Variants in SPOCK1 observed in about 807,000 individuals in gnomAD.
SPOCK1 encodes the protein SPARC (osteonectin), cwcv and kazal like domains proteoglycan 1.
Under a neutral mutation model 55.3 loss-of-function variants are expected in SPOCK1, and 23 were observed. That is an observed-to-expected ratio of 0.42 (90% CI 0.30 to 0.59). The LOEUF is 0.59. Among genes scored for constraint, SPOCK1 ranks in the 20% least tolerant of loss-of-function variants. The pLI, the probability that SPOCK1 is intolerant of heterozygous loss-of-function variation, is 0.22. For missense variants in SPOCK1, 499 were observed against 552.5 expected (o/e 0.90, Z 0.97); for synonymous variants, 226 against 221.0 (o/e 1.02, Z -0.20).
chr5:137,449,886 C>CAAAAAA (rs562723108), intron 2 of SPOCK1, among the ~76,000 whole-genome samples: 3 of 52,906 alleles, frequency 5.7e-5, no homozygotes, highest in Non-Finnish European at 9.6e-5. Context: ...GATGCTGTCT[C>CAAAAAA]AAAAAAAAAA....
chr5:137,167,528 A>G (rs1184161707), intron 3 of SPOCK1, among the ~76,000 whole-genome samples: 2 of 152,078 alleles, frequency 1.3e-5, no homozygotes, highest in Non-Finnish European at 2.9e-5. Context: ...TATTTTTTTC[A>G]GCACCTAGAT....
At chr5:137,018,694 G>T (rs1232843296) in intron 6 of SPOCK1, among the ~76,000 whole-genome samples, 1 of 151,962 alleles carries the variant, frequency 6.6e-6, no homozygotes, top group Non-Finnish European at 1.5e-5. Flanking sequence ...TTATACAAAT[G>T]CATATTAGGA....
chr5:137,140,747 ATT>A (rs11309240), intron 3 of SPOCK1, 53 bp from the exon 4 acceptor site: 22,419 of 347,546 alleles, frequency 0.065, 15 homozygotes, highest in South Asian at 0.077. Context: ...GGGAAATTTA[ATT>A]TTTTTTTTTT....
chr5:137,432,277 G>T (rs1019401352), intron 2 of SPOCK1, among the ~76,000 whole-genome samples: 5 of 152,206 alleles, frequency 3.3e-5, no homozygotes, highest in African/African-American at 1.2e-4. Flanking sequence ...AGAACTGAAA[G>T]CAGGGACTGG....
intron 3 of SPOCK1, among the ~76,000 whole-genome samples, chr5:137,259,938 T>A (rs532326251): frequency 1.3e-5 from 2 of 152,342 alleles, no homozygotes; most frequent in South Asian, 4.1e-4. Flanking sequence ...TCAGTTACAA[T>A]ATATTCATAA....
intron 3 of SPOCK1, among the ~76,000 whole-genome samples, chr5:137,160,578 A>ATATATTATATATAATATATAATATAT (rs1754519773): frequency 2.1e-5 from 1 of 47,080 alleles, no homozygotes; most frequent in African/African-American, 7.5e-5. Flanking sequence ...ATATTATATA[A>ATATATTATATATAATATATAATATAT]TATATATAAT....
At chr5:137,199,377 C>T (rs976674235) in intron 3 of SPOCK1, among the ~76,000 whole-genome samples, 1 of 152,106 alleles carries the variant, frequency 6.6e-6, no homozygotes, top group East Asian at 1.9e-4. Context: ...TTGTTCTCTG[C>T]GTAGTTTCTC....
At chr5:137,172,510 T>C (rs191396336) in intron 3 of SPOCK1, among the ~76,000 whole-genome samples, 3 of 152,320 alleles carry the variant, frequency 2.0e-5, no homozygotes, top group Admixed American at 2.0e-4. Flanking sequence ...TTTCATGCAC[T>C]GTCATCTGTG....
At chr5:137,448,684 AT>A (rs910188924) in intron 2 of SPOCK1, among the ~76,000 whole-genome samples, 21 of 152,174 alleles carry the variant, frequency 1.4e-4, no homozygotes, top group African/African-American at 4.8e-4. Context: ...TATCAAAGAC[AT>A]TTTTCCCCAT....
At chr5:137,322,718 A>T (rs1339771242) in intron 2 of SPOCK1, among the ~76,000 whole-genome samples, 2 of 152,192 alleles carry the variant, frequency 1.3e-5, no homozygotes, top group African/African-American at 2.4e-5. Flanking sequence ...ACCAAAAAAA[A>T]AATCAAAAGA....
chr5:137,341,474 TGATAG>T (rs954231302), intron 2 of SPOCK1, among the ~76,000 whole-genome samples: 2 of 152,162 alleles, frequency 1.3e-5, no homozygotes, highest in African/African-American at 4.8e-5. Context: ...TTTGAAAAAA[TGATAG>T]CAAAAAATAA....
chr5:137,488,417 AGGTTCCTG>A (rs1347865584), intron 2 of SPOCK1, among the ~76,000 whole-genome samples: 4 of 152,166 alleles, frequency 2.6e-5, no homozygotes, highest in Non-Finnish European at 2.9e-5. Flanking sequence ...TTTAAAATGC[AGGTTCCTG>A]GGTGCCACCT....
Position 137,438,484 on chromosome 5 carries a change from T to C in SPOCK1, c.186+59889A>G, listed in dbSNP as rs1288514990. On this transcript the variant is annotated intron_variant, in intron 2 of 10. Coordinates refer to ENST00000394945, the MANE Select transcript of SPOCK1 (RefSeq NM_004598.4). The stretch of plus-strand genomic sequence containing the variant: ...AAATAACCCAAAGGAGAAATGCAAG[T>C]CCTCAAAGTAGTGAATGCAGTTCTG... 3.3e-5 allele frequency among the ~76,000 whole-genome samples: 5 copies of C among 152,046 alleles called. No individual in the cohort carries two copies. In the East Asian group the frequency reaches 9.6e-4, roughly 29 times the overall value.
intron 4 of SPOCK1, among the ~76,000 whole-genome samples, chr5:137,119,446 T>G (rs997588685): frequency 7.2e-5 from 11 of 152,188 alleles, no homozygotes; most frequent in African/African-American, 2.7e-4. Context: ...TTATACTAAG[T>G]CATAAAATTA....
chr5:137,158,029 T>G (rs971164209), intron 3 of SPOCK1, among the ~76,000 whole-genome samples: 3 of 152,164 alleles, frequency 2.0e-5, no homozygotes, highest in African/African-American at 7.2e-5. Flanking sequence ...GCCATTGCAC[T>G]CCAGCCTAGG....
At chr5:137,455,908 A>T (rs1474458372) in intron 2 of SPOCK1, among the ~76,000 whole-genome samples, 2 of 152,098 alleles carry the variant, frequency 1.3e-5, no homozygotes, top group African/African-American at 4.8e-5. Flanking sequence ...GTAGTGGTGC[A>T]CACCTAGCTA....
chr5:137,194,026 C>A (rs1755242681), intron 3 of SPOCK1, among the ~76,000 whole-genome samples: 1 of 152,130 alleles, frequency 6.6e-6, no homozygotes, highest in Non-Finnish European at 1.5e-5. Context: ...CAGCTCTCCT[C>A]CCCTAGAGGC....
chr5:137,059,949 CAG>C (rs1752365715), intron 6 of SPOCK1, among the ~76,000 whole-genome samples: 1 of 152,268 alleles, frequency 6.6e-6, no homozygotes, highest in East Asian at 1.9e-4. Context: ...CAAAAAATAA[CAG>C]ATGCTGGCAA....
intron 2 of SPOCK1, among the ~76,000 whole-genome samples, chr5:137,416,618 G>A (rs980071505): frequency 2.0e-5 from 3 of 152,086 alleles, no homozygotes; most frequent in African/African-American, 7.2e-5. Flanking sequence ...ATACAGTGGA[G>A]GATGTAACTG....
Sources: allele counts gnomAD v4.1 joint callset (sites outside exome capture counted in the v4.1 genomes callset), GRCh38; gene constraint gnomAD v4.1.1; transcripts MANE v1.5; gene names NCBI Gene and HGNC (gene_info 2026-07-23, HGNC 2026-07-21).